Variants in TRPV6 observed in about 807,000 individuals in gnomAD.
TRPV6 encodes the protein Alu-binding protein with zinc finger domain.
TRPV6 carries 39 observed loss-of-function variants against 79.0 expected under a neutral mutation model. The ratio of observed to expected loss-of-function variants is 0.49; its 90% confidence interval spans 0.38 to 0.64. TRPV6 has a LOEUF of 0.64. Ranked by LOEUF, TRPV6 falls within the 30% of genes least tolerant of loss-of-function variation. TRPV6 has a pLI of 0.00. For synonymous variants in TRPV6, 373 were observed against 391.9 expected (o/e 0.95, Z 0.57); for missense variants, 813 against 1,011.1 (o/e 0.80, Z 2.66).
intron 14 of TRPV6, among the ~76,000 whole-genome samples, 177 bp downstream of exon 14, chr7:142,872,195 C>T (rs978899128): frequency 2.0e-5 from 3 of 152,246 alleles, no homozygotes; most frequent in African/African-American, 7.2e-5. Context: ...TCCCTGGATG[C>T]TTTGGGAAGT....
chr7:142,879,411 G>C (rs565762645), intron 1 of TRPV6: 1 of 152,162 alleles, frequency 6.6e-6, no homozygotes, highest in Non-Finnish European at 1.5e-5. Context: ...AAGACACATG[G>C]GTCCCTTTGA....
At chr7:142,872,226 C>A in intron 14 of TRPV6, 146 bp downstream of exon 14, 1 of 990,346 alleles carries the variant, frequency 1.0e-6, no homozygotes, top group South Asian at 1.7e-5. Flanking sequence ...AACGGGACCC[C>A]TTCCTCACCA....
intron 6 of TRPV6, 90 bp downstream of exon 6, chr7:142,876,318 G>A: frequency 2.0e-6 from 3 of 1,496,650 alleles, no homozygotes; most frequent in Non-Finnish European, 2.7e-6. Context: ...TAAGCATCAG[G>A]GATCGCGTTC....
At chr7:142,880,163 T>G (rs938572404) in intron 1 of TRPV6, 6 of 152,192 alleles carry the variant, frequency 3.9e-5, no homozygotes, top group African/African-American at 1.4e-4. Context: ...AATAGTACAC[T>G]TGGTATGCAA....
chr7:142,880,622 C>G (rs2116528926), intron 1 of TRPV6: 1 of 152,126 alleles, frequency 6.6e-6, no homozygotes, highest in South Asian at 2.1e-4. Context: ...AAAGATTCCC[C>G]TTTGGTCCCT....
At position 142,877,655 on chromosome 7, in the gene TRPV6, A is replaced by C. The variant is rs541651047; in HGVS notation, c.465T>G (p.Tyr155Ter). The C allele has an allele frequency of 6.2e-7, 1 of 1,614,018 alleles. No homozygotes were observed. Among genetic ancestry groups the C allele is most frequent in the Non-Finnish European group, 8.5e-7 (1 of 1,180,012 alleles). The change falls in exon 3 of 15, where the codon TAT becomes TAG. Residue 155 changes from tyrosine (Y) to a stop codon, truncating the protein, a stop_gained. Transcript: ENST00000359396. LOFTEE classifies it high-confidence loss of function. ...CCCAGACCCGTGGGCCCTCACCCTCATAGAGCTCAGATGTCATGGGCTCAA... is the reference window on the plus strand; with the variant it reads ...CCCAGACCCGTGGGCCCTCACCCTCCTAGAGCTCAGATGTCATGGGCTCAA...
intron 8 of TRPV6, 84 bp downstream of exon 8, chr7:142,875,384 G>T (rs1795037314): frequency 1.4e-6 from 2 of 1,417,358 alleles, no homozygotes; most frequent in Admixed American, 2.1e-5. Flanking sequence ...GGGGAGAAAT[G>T]GTGTGAGGGA....
In TRPV6 at chr7:142,871,554, G is replaced by A; in HGVS notation, c.*153C>T. The A allele has an allele frequency of 1.1e-6, 1 of 947,370 alleles. No homozygotes were observed. Among genetic ancestry groups the A allele is most frequent in the Admixed American group, 2.9e-5 (1 of 34,776 alleles). 58.7% of individuals were successfully genotyped at this position (947,370 alleles called of 1,614,324 possible). A position where few individuals can be genotyped will look rare whatever the true frequency, so the allele number is the denominator to read the frequency against. Reference sequence around the variant, plus strand: ...GAAGGAGTAATGCAGGCCTGGAGCAGTGATTCTCAACGTACATTCCTTGGC... The same window carrying A: ...GAAGGAGTAATGCAGGCCTGGAGCAATGATTCTCAACGTACATTCCTTGGC... On this transcript the variant is annotated 3_prime_UTR_variant, in exon 15 of 15. Coordinates refer to ENST00000359396, the MANE Select transcript of TRPV6 (RefSeq NM_018646.6).
intron 11 of TRPV6, 135 bp from the exon 12 acceptor site, chr7:142,874,277 T>C: frequency 8.4e-7 from 1 of 1,184,202 alleles, no homozygotes. Flanking sequence ...CTATGGCCTG[T>C]GGACCAGATC....
intron 8 of TRPV6, 43 bp from the exon 9 acceptor site, chr7:142,875,207 G>A (rs375284743): frequency 1.2e-5 from 20 of 1,603,262 alleles, no homozygotes; most frequent in Non-Finnish European, 1.6e-5. Flanking sequence ...GGGCTTTCAG[G>A]CCTCTGCCCT....
intron 1 of TRPV6, chr7:142,879,020 A>G (rs1795142416): frequency 6.6e-6 from 1 of 152,232 alleles, no homozygotes; most frequent in Non-Finnish European, 1.5e-5. Flanking sequence ...AAAGTTTGCG[A>G]AACAGTGTTC....
chr7:142,883,620 C>G (rs1381738245), intron 1 of TRPV6: 1 of 152,260 alleles, frequency 6.6e-6, no homozygotes, highest in Non-Finnish European at 1.5e-5. Flanking sequence ...CATTAGCTCA[C>G]CCCTCACTTG....
At chr7:142,874,214 G>A in intron 11 of TRPV6, 72 bp from the exon 12 acceptor site, 3 of 1,513,426 alleles carry the variant, frequency 2.0e-6, no homozygotes, top group Admixed American at 3.7e-5. Context: ...CCTCTAACAG[G>A]TCTCACCCCG....
intron 14 of TRPV6, 57 bp downstream of exon 14, chr7:142,872,315 G>T: frequency 6.3e-7 from 1 of 1,575,782 alleles, no homozygotes. Context: ...GTCTGAGCAG[G>T]GGGATACCCT....
intron 5 of TRPV6, 44 bp downstream of exon 5, chr7:142,876,695 A>C (rs1484794907): frequency 6.2e-7 from 1 of 1,612,798 alleles, no homozygotes; most frequent in African/African-American, 1.3e-5. Context: ...CCTGTCCCTC[A>C]CTCCCTGCAG....
rs1334750289 is a variant in TRPV6 at position 142,874,632 on chromosome 7, C to G, written c.1431G>C (p.Leu477=). The change falls in exon 11 of 15, where the codon CTG becomes CTC. Residue 477 remains leucine (L), a synonymous_variant. Coordinates refer to ENST00000359396, the MANE Select transcript of TRPV6 (RefSeq NM_018646.6). ...TGATGAGCCGCATCACCATGGTCAC[C>G]AGCACCATGAAGGCATAGGTGATGC... 1 of 1,614,038 alleles carries G rather than the reference C, an allele frequency of 6.2e-7. No homozygotes were observed.
chr7:142,877,082 CCTGCCCTGCCTTGCCCACCTTTCCAA>C, intron 4 of TRPV6, 34 bp downstream of exon 4: 1 of 1,557,806 alleles, frequency 6.4e-7, no homozygotes, highest in Non-Finnish European at 8.7e-7. Flanking sequence ...TCTGCCTGGC[CCTGCCCTGCCTTGCCCACCTTTCCAA>C]CTGCCCGTCC....
chr7:142,878,730 T>G (rs4987702), intron 1 of TRPV6: 5,909 of 152,320 alleles, frequency 0.039, 142 homozygotes, highest in Non-Finnish European at 0.057. Flanking sequence ...GTCTCTTCCT[T>G]TCTGCCTCTC....
At position 142,872,354 on chromosome 7, in the gene TRPV6, C is replaced by G. The variant is rs1218402963; in HGVS notation, c.2015+18G>C. 1 of 1,612,572 alleles carries G rather than the reference C, an allele frequency of 6.2e-7. No individual in the cohort carries two copies. Among genetic ancestry groups the G allele is most frequent in the East Asian group, 2.2e-5 (1 of 44,870 alleles). ...GATGAGGCTTCTCAGGGGACACCTACCCCCGCATATCACTCACCGCAGGAA... is the reference window on the plus strand; with the variant it reads ...GATGAGGCTTCTCAGGGGACACCTAGCCCCGCATATCACTCACCGCAGGAA... On this transcript the variant is annotated intron_variant, in intron 14 of 14. Transcript: ENST00000359396.
Sources: allele counts gnomAD v4.1 joint callset (sites outside exome capture counted in the v4.1 genomes callset), GRCh38; gene constraint gnomAD v4.1.1; transcripts MANE v1.5; gene names NCBI Gene and HGNC (gene_info 2026-07-23, HGNC 2026-07-21).